Variants in ANTXR1 observed in about 807,000 individuals in gnomAD.
The protein encoded by ANTXR1 is anthrax toxin receptor 1.
ANTXR1 carries 19 observed loss-of-function variants against 78.1 expected under a neutral mutation model. The ratio of observed to expected loss-of-function variants is 0.24; its 90% CI spans 0.17 to 0.36. The LOEUF (loss-of-function observed/expected upper bound fraction) is 0.36. Ranked by LOEUF, ANTXR1 falls within the 10% of genes least tolerant of loss-of-function variation. The pLI is 1.00. For missense variants in ANTXR1, 518 were observed against 718.6 expected (o/e 0.72, Z 3.19); for synonymous variants, 273 against 260.5 (o/e 1.05, Z -0.46).
At chr2:69,095,516 G>A (rs1671371472) in intron 9 of ANTXR1, among the ~76,000 whole-genome samples, 1 of 152,242 alleles carries the variant, frequency 6.6e-6, no homozygotes, top group Non-Finnish European at 1.5e-5. Context: ...CTGAGGCCAG[G>A]AATTGAGATA....
At chr2:69,046,499 T>C (rs1196653296) in intron 3 of ANTXR1, among the ~76,000 whole-genome samples, 1 of 152,232 alleles carries the variant, frequency 6.6e-6, no homozygotes, top group African/African-American at 2.4e-5. Flanking sequence ...CCTGGTTTGC[T>C]GGAAGCAGCA....
intron 3 of ANTXR1, among the ~76,000 whole-genome samples, chr2:69,056,527 T>C (rs1452627854): frequency 6.6e-6 from 1 of 152,182 alleles, no homozygotes; most frequent in Non-Finnish European, 1.5e-5. Context: ...AATAAGAGGT[T>C]ACAGGCAGCA....
chr2:69,108,027 G>T (rs547247604), intron 10 of ANTXR1, among the ~76,000 whole-genome samples: 3 of 152,174 alleles, frequency 2.0e-5, no homozygotes, highest in Admixed American at 6.5e-5. Context: ...CTGTCCAATA[G>T]AACTTTCTGT....
rs1432175340 is a variant in ANTXR1 at position 69,245,889 on chromosome 2, A to G, written c.*404A>G. On this transcript the variant is annotated 3_prime_UTR_variant, in exon 18 of 18. Coordinates refer to ENST00000303714, the MANE Select transcript of ANTXR1 (RefSeq NM_032208.3). ...GCCTTCCTGCCTCTACTCCACCTCC[A>G]TCCCTGGACTTTGGACCCTTGGCCT... 2 of 190,270 alleles carry G rather than the reference A, an allele frequency of 1.1e-5. No homozygotes were observed. Among genetic ancestry groups the G allele is most frequent in the Non-Finnish European group, 2.2e-5 (2 of 91,274 alleles). The allele number at this position is 190,270 out of a possible 1,614,324, so 11.8% of individuals were successfully genotyped here. A position where few individuals can be genotyped will look rare whatever the true frequency, so the allele number is the denominator to read the frequency against.
At chr2:69,042,673 A>G (rs1669645311) in intron 2 of ANTXR1, among the ~76,000 whole-genome samples, 1 of 152,264 alleles carries the variant, frequency 6.6e-6, no homozygotes, top group Non-Finnish European at 1.5e-5. Flanking sequence ...TTTGTCTTTA[A>G]AGACTGGCCA....
At chr2:69,149,569 C>T (rs1673331041) in intron 12 of ANTXR1, among the ~76,000 whole-genome samples, 1 of 152,176 alleles carries the variant, frequency 6.6e-6, no homozygotes. Flanking sequence ...AGTCTGTAGA[C>T]TTTATTGAAG....
intron 8 of ANTXR1, among the ~76,000 whole-genome samples, chr2:69,079,428 C>A (rs1243713906): frequency 6.6e-6 from 1 of 151,998 alleles, no homozygotes; most frequent in Admixed American, 6.6e-5. Flanking sequence ...ATTGAAAAAC[C>A]AGGGAAAGGT....
intron 3 of ANTXR1, among the ~76,000 whole-genome samples, chr2:69,064,233 T>C: frequency 6.6e-6 from 1 of 152,208 alleles, no homozygotes; most frequent in East Asian, 1.9e-4. Context: ...CTTATGCTGA[T>C]TTCACCTGGA....
chr2:69,169,162 C>T (rs550589471), intron 13 of ANTXR1, among the ~76,000 whole-genome samples: 5 of 152,336 alleles, frequency 3.3e-5, no homozygotes, highest in East Asian at 1.9e-4. Flanking sequence ...AGCCAGAGCC[C>T]GGCTCCCCGA....
At position 69,247,672 on chromosome 2, in the gene ANTXR1, C is replaced by A. The variant is rs994432283; in HGVS notation, c.*2187C>A. The A allele has an allele frequency of 1.1e-4, 17 of 152,562 alleles. No homozygotes were observed. Among genetic ancestry groups the A allele is most frequent in the Admixed American group, 1.1e-3 (17 of 15,282 alleles). 9.5% of individuals were successfully genotyped at this position (152,562 alleles called of 1,614,324 possible). ...CATAGGAGAATGGGTTCCCCAGGCT[C>A]ACAGTGTAGAGACATTGAGCCCATC... On this transcript the variant is annotated 3_prime_UTR_variant, in exon 18 of 18. Coordinates refer to ENST00000303714, the MANE Select transcript of ANTXR1 (RefSeq NM_032208.3).
rs1189674916 is a variant in ANTXR1 at position 69,248,847 on chromosome 2, A to C, written c.*3362A>C. 6.6e-6 allele frequency: 1 copy of C among 152,272 alleles called. No homozygotes were observed. The highest frequency in any genetic ancestry group is 1.9e-4 in the East Asian group (1 of 5,206). 9.4% of individuals were successfully genotyped at this position (152,272 alleles called of 1,614,324 possible). ...CTATATAAAGACATATGCAGTAAAA[A>C]GTCTGTTAATGCACATCCTGTGGGA... On this transcript the variant is annotated 3_prime_UTR_variant, in exon 18 of 18. Coordinates refer to ENST00000303714, the MANE Select transcript of ANTXR1 (RefSeq NM_032208.3).
intron 3 of ANTXR1, among the ~76,000 whole-genome samples, chr2:69,048,695 T>C (rs1353490701): frequency 6.6e-6 from 1 of 152,216 alleles, no homozygotes; most frequent in Non-Finnish European, 1.5e-5. Flanking sequence ...TCTGTTTTTC[T>C]GTCTGTTTCT....
At chr2:69,046,396 C>A (rs1669769131) in intron 3 of ANTXR1, among the ~76,000 whole-genome samples, 1 of 152,172 alleles carries the variant, frequency 6.6e-6, no homozygotes, top group African/African-American at 2.4e-5. Context: ...TGGAATTAGT[C>A]ATCCTCTGAA....
At chr2:69,152,775 C>T (rs1244655458) in intron 13 of ANTXR1, among the ~76,000 whole-genome samples, 1 of 152,130 alleles carries the variant, frequency 6.6e-6, no homozygotes, top group Non-Finnish European at 1.5e-5. Flanking sequence ...ATTTTGGCAA[C>T]TTTTATAGGA....
intron 1 of ANTXR1, among the ~76,000 whole-genome samples, chr2:69,033,013 G>A (rs573992920): frequency 6.6e-6 from 1 of 152,214 alleles, no homozygotes; most frequent in African/African-American, 2.4e-5. Flanking sequence ...CCATGACATT[G>A]CTTTCCCAAA....
rs73934798 is a variant in ANTXR1 at position 69,201,598 on chromosome 2, C to T, written c.1434+8183C>T. Reference sequence around the variant, plus strand: ...ATAGCGGCAGTGAGAGAGGCTGGCACCCTGAAGTGCAGAGTGGTGGGCAAG... The same window carrying T: ...ATAGCGGCAGTGAGAGAGGCTGGCATCCTGAAGTGCAGAGTGGTGGGCAAG... On this transcript the variant is annotated intron_variant, in intron 17 of 17. Transcript: ENST00000303714. 7.7e-3 allele frequency among the ~76,000 whole-genome samples: 1,167 copies of T among 152,274 alleles called. 14 individuals are homozygous for T. Among genetic ancestry groups the T allele is most frequent in the African/African-American group, 0.027 (1,122 of 41,534 alleles).
intron 17 of ANTXR1, among the ~76,000 whole-genome samples, chr2:69,230,068 T>A (rs1276351832): frequency 6.6e-6 from 1 of 152,004 alleles, no homozygotes; most frequent in African/African-American, 2.4e-5. Flanking sequence ...ATTCTTTGTC[T>A]TGCCCCTTTG....
chr2:69,073,692 ATAGACT>A (rs1670641362), intron 6 of ANTXR1, among the ~76,000 whole-genome samples: 1 of 152,236 alleles, frequency 6.6e-6, no homozygotes, highest in Non-Finnish European at 1.5e-5. Flanking sequence ...CCTTGTATAA[ATAGACT>A]TAGAAAAATA....
chr2:69,118,218 C>G (rs1232402612), intron 10 of ANTXR1, among the ~76,000 whole-genome samples: 5 of 139,924 alleles, frequency 3.6e-5, no homozygotes, highest in African/African-American at 5.4e-5. Context: ...CCAGAGCTGC[C>G]TGGGCAACAT....
Sources: allele counts gnomAD v4.1 joint callset (sites outside exome capture counted in the v4.1 genomes callset), GRCh38; gene constraint gnomAD v4.1.1; transcripts MANE v1.5; gene names NCBI Gene and HGNC (gene_info 2026-07-23, HGNC 2026-07-21).